Variants in SGCZ observed in about 807,000 individuals in gnomAD.
SGCZ encodes sarcoglycan zeta.
A neutral mutation model predicts 41.3 loss-of-function variants in SGCZ; 40 were observed. The observed-to-expected ratio is 0.97, with a 90% CI of 0.75 to 1.26. The LOEUF (loss-of-function observed/expected upper bound fraction) is 1.26, where lower values mean the gene tolerates loss of function less well. SGCZ is among the 50% of genes most tolerant of loss of function. The pLI is 0.00. For missense variants in SGCZ, 552 were observed against 369.8 expected (o/e 1.49, Z -4.04); for synonymous variants, 206 against 137.5 (o/e 1.50, Z -3.49).
intron 1 of SGCZ, among the ~76,000 whole-genome samples, chr8:14,596,751 C>A (rs960532011): frequency 6.6e-6 from 1 of 152,030 alleles, no homozygotes; most frequent in Non-Finnish European, 1.5e-5. Flanking sequence ...GATGCGTTGA[C>A]AGGTGCAGCA....
intron 5 of SGCZ, among the ~76,000 whole-genome samples, chr8:14,154,213 A>G (rs1232002957): frequency 2.0e-5 from 3 of 149,058 alleles, no homozygotes; most frequent in Non-Finnish European, 4.5e-5. Context: ...CACTAAAAAT[A>G]CAAAAAATTA....
At chr8:15,101,497 C>G (rs934659218) in intron 1 of SGCZ, among the ~76,000 whole-genome samples, 1 of 152,130 alleles carries the variant, frequency 6.6e-6, no homozygotes, top group Admixed American at 6.5e-5. Context: ...TACTCCATAA[C>G]AGATGTCACT....
In SGCZ at chr8:15,095,536, G is replaced by A. The variant is rs189954586; in HGVS notation, c.39+142049C>T. On this transcript the variant is annotated intron_variant, in intron 1 of 7. Transcript: ENST00000382080. ...CAATCATTTGAATGTATTTGAATTC[G>A]TAGTTTTACTTAAATGAAAATAAAA... Among the ~76,000 whole-genome samples the A allele has an allele frequency of 1.4e-3, 216 of 152,030 alleles. 1 individual carries two copies. Among genetic ancestry groups the A allele is most frequent in the Non-Finnish European group, 2.5e-3 (173 of 67,972 alleles).
intron 1 of SGCZ, among the ~76,000 whole-genome samples, chr8:15,177,670 G>A (rs1461079413): frequency 6.6e-6 from 1 of 152,134 alleles, no homozygotes; most frequent in Non-Finnish European, 1.5e-5. Context: ...ATGTATAATG[G>A]GCAATCTGTA....
At chr8:14,941,642 A>G (rs1800277720) in intron 1 of SGCZ, among the ~76,000 whole-genome samples, 1 of 151,990 alleles carries the variant, frequency 6.6e-6, no homozygotes, top group South Asian at 2.1e-4. Context: ...CTCTTTTTAT[A>G]AACTTTGCCT....
chr8:14,767,864 G>A (rs368283099), intron 1 of SGCZ, among the ~76,000 whole-genome samples: 19 of 152,114 alleles, frequency 1.2e-4, no homozygotes, highest in African/African-American at 4.3e-4. Flanking sequence ...CTTCCTCACT[G>A]CTGAAATAGG....
rs558508755 is a variant in SGCZ, at chr8:14,674,160, T to G, written c.40-119234A>C. Among the ~76,000 whole-genome samples the G allele has an allele frequency of 7.7e-3, 260 of 33,888 alleles. 1 individual carries two copies. In the East Asian group the frequency reaches 0.2, roughly 26 times the overall value. 22.2% of individuals were successfully genotyped at this position (33,888 alleles called of 152,430 possible). On this transcript the variant is annotated intron_variant, in intron 1 of 7. Transcript: ENST00000382080. ...AAATAGGTAGTTATCTGTTTTCATGTTAGCTTAGCTAATTTTTAAAAGAAA... is the reference window on the plus strand; with the variant it reads ...AAATAGGTAGTTATCTGTTTTCATGGTAGCTTAGCTAATTTTTAAAAGAAA...
At chr8:14,896,212 T>C (rs1805192788) in intron 1 of SGCZ, among the ~76,000 whole-genome samples, 1 of 152,224 alleles carries the variant, frequency 6.6e-6, no homozygotes, top group South Asian at 2.1e-4. Context: ...TCTCTTCCTC[T>C]CATCCGGGAA....
chr8:14,097,017 G>A (rs893132815), intron 7 of SGCZ, among the ~76,000 whole-genome samples: 13 of 151,480 alleles, frequency 8.6e-5, no homozygotes, highest in Admixed American at 3.3e-4. Context: ...TCTGGCTAGC[G>A]GTCTATTTTG....
At chr8:14,171,161 A>C (rs1447458306) in intron 4 of SGCZ, among the ~76,000 whole-genome samples, 2 of 151,448 alleles carry the variant, frequency 1.3e-5, no homozygotes, top group African/African-American at 2.4e-5. Context: ...AAAAAAAAAA[A>C]AAAAAACTAA....
chr8:15,195,031 A>G (rs1800676654), intron 1 of SGCZ, among the ~76,000 whole-genome samples: 1 of 152,210 alleles, frequency 6.6e-6, no homozygotes, highest in African/African-American at 2.4e-5. Context: ...TTATCTTAGC[A>G]TCTATTGCCA....
intron 1 of SGCZ, among the ~76,000 whole-genome samples, chr8:14,996,976 AC>A (rs1176404662): frequency 6.6e-6 from 1 of 152,142 alleles, no homozygotes; most frequent in East Asian, 1.9e-4. Flanking sequence ...AGTAAGGAAG[AC>A]GCTCTTTTGT....
chr8:15,119,253 G>A lies in SGCZ; in HGVS notation c.39+118332C>T, dbSNP rs527712926. Among the ~76,000 whole-genome samples, 25 of 152,200 alleles carry A rather than the reference G, an allele frequency of 1.6e-4. 1 individual carries two copies. In the East Asian group the frequency reaches 3.3e-3, roughly 20 times the overall value. On this transcript the variant is annotated intron_variant, in intron 1 of 7. Transcript: ENST00000382080. ...AAATCCTCTGAAAATCCTCTTAGCG[G>A]GGTGCAGTGGCTCACTCCTGTAATC...
chr8:15,154,024 G>C (rs1379252694), intron 1 of SGCZ, among the ~76,000 whole-genome samples: 1 of 152,118 alleles, frequency 6.6e-6, no homozygotes, highest in East Asian at 1.9e-4. Flanking sequence ...TAGAGTTTGT[G>C]CTTCTATGAG....
chr8:15,056,934 G>T (rs954373598), intron 1 of SGCZ, among the ~76,000 whole-genome samples: 1 of 152,180 alleles, frequency 6.6e-6, no homozygotes, highest in Non-Finnish European at 1.5e-5. Context: ...AGCTGAAGGT[G>T]ACAAGGATGG....
At chr8:14,896,321 A>C (rs1194225096) in intron 1 of SGCZ, among the ~76,000 whole-genome samples, 2 of 152,176 alleles carry the variant, frequency 1.3e-5, no homozygotes, top group East Asian at 1.9e-4. Flanking sequence ...CCTCTCTCTT[A>C]CCCTCAAATA....
At chr8:15,060,922 C>T (rs906442256) in intron 1 of SGCZ, among the ~76,000 whole-genome samples, 2 of 152,102 alleles carry the variant, frequency 1.3e-5, no homozygotes, top group African/African-American at 4.8e-5. Context: ...GATACTCCAC[C>T]ATAGTAGAAG....
chr8:14,542,655 G>A (rs575054055), intron 2 of SGCZ, among the ~76,000 whole-genome samples: 1 of 152,100 alleles, frequency 6.6e-6, no homozygotes, highest in South Asian at 2.1e-4. Flanking sequence ...GGTGTTCCTG[G>A]CACATAGTTT....
intron 1 of SGCZ, among the ~76,000 whole-genome samples, chr8:15,136,985 T>C (rs1808133165): frequency 6.6e-6 from 1 of 152,178 alleles, no homozygotes; most frequent in South Asian, 2.1e-4. Flanking sequence ...AGTTTGGAAC[T>C]TCTTAGAGAC....
Sources: allele counts gnomAD v4.1 joint callset (sites outside exome capture counted in the v4.1 genomes callset), GRCh38; gene constraint gnomAD v4.1.1; transcripts MANE v1.5; gene names NCBI Gene and HGNC (gene_info 2026-07-23, HGNC 2026-07-21).